The following NOMO1 variants were observed in gnomAD, a reference collection of about 807,000 sequenced individuals.
NOMO1 encodes the protein NODAL modulator 1.
In NOMO1, 40 loss-of-function variants were observed where a neutral mutation model predicts 133.8. That is an observed-to-expected ratio of 0.30 (90% CI 0.23 to 0.39). NOMO1 has a LOEUF of 0.39. Among genes scored for constraint, NOMO1 ranks in the 10% least tolerant of loss-of-function variants. The pLI, the probability that NOMO1 is intolerant of heterozygous loss-of-function variation, is 1.00. For missense variants in NOMO1, 462 were observed against 1,419.9 expected (o/e 0.33, Z 10.84); for synonymous variants, 236 against 570.5 (o/e 0.41, Z 8.36).
At chr16:14,856,184 G>A (rs1281772219) in intron 9 of NOMO1, among the ~76,000 whole-genome samples, 2 of 151,944 alleles carry the variant, frequency 1.3e-5, no homozygotes, top group African/African-American at 2.4e-5. Context: ...GTGGGAGGGA[G>A]ACAACTAAGA....
chr16:14,866,450 C>T (rs1488440261), intron 14 of NOMO1, 105 bp from the exon 15 acceptor site: 6 of 1,604,302 alleles, frequency 3.7e-6, no homozygotes, highest in Admixed American at 3.4e-5. Context: ...TACATACACA[C>T]CTGCTTTTTA....
rs1964141934 is a variant in NOMO1, at chr16:14,875,334, T to G, written c.2274-6T>G. ...CCGCCAAACTGAAGTATATTAATTA[T>G]TTTAGGTCTGGAGAGAAAATCACTG... On this transcript the variant is annotated splice_region_variant and splice_polypyrimidine_tract_variant and intron_variant, in intron 19 of 30. Coordinates refer to ENST00000287667, the MANE Select transcript of NOMO1 (RefSeq NM_014287.4). The G allele has an allele frequency of 6.2e-7, 1 of 1,601,490 alleles. No homozygotes were observed. Among genetic ancestry groups the G allele is most frequent in the East Asian group, 2.2e-5 (1 of 44,630 alleles).
chr16:14,846,480 G>T, intron 4 of NOMO1, 97 bp from the exon 5 acceptor site: 1 of 558,842 alleles, frequency 1.8e-6, no homozygotes, highest in Non-Finnish European at 3.2e-6. Flanking sequence ...CCCAAAGAGG[G>T]TTCCTGGGCT....
chr16:14,845,763 C>G lies in NOMO1; in HGVS notation c.403-814C>G, dbSNP rs1050057572. 6.6e-5 allele frequency among the ~76,000 whole-genome samples: 10 copies of G among 151,544 alleles called. No individual in the cohort carries two copies. The East Asian group carries it at 1.8e-3, about 27-fold the overall frequency. ...TGGGCTTCTTGTTAGAGATGGGGAT[C>G]TTGGGTAGTTTTTTCTTTATCGATG... On this transcript the variant is annotated intron_variant, in intron 4 of 30. Transcript: ENST00000287667.
chr16:14,835,366 C>G (rs1245396028), intron 1 of NOMO1, among the ~76,000 whole-genome samples: 4 of 151,258 alleles, frequency 2.6e-5, no homozygotes, highest in African/African-American at 9.8e-5. Context: ...CATGCCACCG[C>G]CTAGGTCTGC....
chr16:14,881,434 C>T lies in NOMO1; in HGVS notation c.2886-110C>T, dbSNP rs775913801. 8.1e-6 allele frequency: 13 copies of T among 1,609,984 alleles called. 1 individual carries two copies. Among genetic ancestry groups the T allele is most frequent in the Middle Eastern group, 2.3e-4 (1 of 4,426 alleles). On this transcript the variant is annotated intron_variant, in intron 24 of 30. Transcript: ENST00000287667. ...CTGAGTTGCCTGGGTCATTGAGGCA[C>T]AGTTATCCCCTGAACTATTTTGCCC...
chr16:14,851,317 A>C (rs1335803950), intron 6 of NOMO1, among the ~76,000 whole-genome samples: 3 of 151,624 alleles, frequency 2.0e-5, no homozygotes, highest in Admixed American at 1.3e-4. Context: ...TGCTGGTGCT[A>C]TTCTGTTGGG....
At chr16:14,842,040 G>T (rs1963610794) in intron 3 of NOMO1, among the ~76,000 whole-genome samples, 1 of 152,002 alleles carries the variant, frequency 6.6e-6, no homozygotes, top group South Asian at 2.1e-4. Context: ...TTCAGAAACA[G>T]CCCTTCTGCA....
At chr16:14,838,596 G>C in intron 2 of NOMO1, 100 bp downstream of exon 2, 1 of 1,224,106 alleles carries the variant, frequency 8.2e-7, no homozygotes, top group Non-Finnish European at 1.2e-6. Flanking sequence ...ATGCTCATCT[G>C]TTTTGTAAAT....
intron 4 of NOMO1, among the ~76,000 whole-genome samples, chr16:14,845,060 T>C (rs956272939): frequency 1.3e-4 from 19 of 152,000 alleles, no homozygotes; most frequent in South Asian, 6.2e-4. Context: ...CTTGCTCTGT[T>C]GCCCAGGCTG....
In NOMO1 at chr16:14,875,324, A is replaced by G. The variant is rs200650450; in HGVS notation, c.2274-16A>G. 2,333 of 1,554,378 alleles carry G rather than the reference A, an allele frequency of 1.5e-3. 5 individuals carry two copies. The highest frequency in any genetic ancestry group is 1.9e-3 in the Admixed American group (105 of 55,788). ...GGGACAGGACCCGCCAAACTGAAGT[A>G]TATTAATTATTTTAGGTCTGGAGAG... On this transcript the variant is annotated splice_polypyrimidine_tract_variant and intron_variant, in intron 19 of 30. Coordinates refer to ENST00000287667, the MANE Select transcript of NOMO1 (RefSeq NM_014287.4).
At chr16:14,860,940 C>T (rs1248961269) in intron 11 of NOMO1, among the ~76,000 whole-genome samples, 13 of 148,778 alleles carry the variant, frequency 8.7e-5, no homozygotes, top group Non-Finnish European at 1.5e-4. Context: ...CTGCAGCCTC[C>T]GCCTCTCGGG....
At chr16:14,844,292 G>A (rs1963648183) in intron 3 of NOMO1, among the ~76,000 whole-genome samples, 1 of 151,906 alleles carries the variant, frequency 6.6e-6, no homozygotes, top group African/African-American at 2.4e-5. Context: ...TAAGATAATT[G>A]TGAGGATTAA....
At position 14,895,652 on chromosome 16, in the gene NOMO1, A is replaced by G. The variant is rs1964485679; in HGVS notation, c.*7A>G. The G allele has an allele frequency of 6.2e-7, 1 of 1,611,894 alleles. No homozygotes were observed. Among genetic ancestry groups the G allele is most frequent in the Non-Finnish European group, 8.5e-7 (1 of 1,179,884 alleles). ...GAAGACAAGGCGGACTTGAGGAGGA[A>G]GGGGACAGTTGCAGTCTCACTTGGG... On this transcript the variant is annotated 3_prime_UTR_variant, in exon 31 of 31. Transcript: ENST00000287667.
intron 20 of NOMO1, 32 bp from the exon 21 acceptor site, chr16:14,876,327 C>G: frequency 6.2e-7 from 1 of 1,610,348 alleles, no homozygotes; most frequent in Non-Finnish European, 8.5e-7. Flanking sequence ...GCTACCAAGC[C>G]CCATCCTTGT....
intron 20 of NOMO1, among the ~76,000 whole-genome samples, chr16:14,875,941 G>A (rs1272105383): frequency 1.3e-5 from 2 of 150,846 alleles, no homozygotes; most frequent in Non-Finnish European, 3.0e-5. Flanking sequence ...GTGTTATGTG[G>A]TTCGTGTTTG....
intron 11 of NOMO1, among the ~76,000 whole-genome samples, chr16:14,860,412 G>A (rs921167342): frequency 6.6e-4 from 101 of 151,882 alleles, no homozygotes; most frequent in Non-Finnish European, 1.0e-3. Flanking sequence ...GGAGTGATAG[G>A]GATCATGGTA....
chr16:14,854,328 C>T, intron 9 of NOMO1, among the ~76,000 whole-genome samples: 1 of 136,184 alleles, frequency 7.3e-6, no homozygotes, highest in Non-Finnish European at 1.6e-5. Context: ...TCCCTGTGGA[C>T]CTCATTTTTT....
chr16:14,881,408 A>C, intron 24 of NOMO1, 136 bp from the exon 25 acceptor site: 3 of 1,598,604 alleles, frequency 1.9e-6, no homozygotes, highest in Non-Finnish European at 2.6e-6. Flanking sequence ...GGCCGGCCAC[A>C]CTGAGTTGCC....
Sources: allele counts gnomAD v4.1 joint callset (sites outside exome capture counted in the v4.1 genomes callset), GRCh38; gene constraint gnomAD v4.1.1; transcripts MANE v1.5; gene names NCBI Gene and HGNC (gene_info 2026-07-23, HGNC 2026-07-21).